GALNT13: variants seen among roughly 807,000 people sequenced by gnomAD.
GALNT13 encodes the protein polypeptide N-acetylgalactosaminyltransferase 13.
A neutral mutation model predicts 64.2 loss-of-function variants in GALNT13; 28 were observed. That is an observed-to-expected ratio of 0.44 (90% CI 0.32 to 0.60). The LOEUF is 0.60. Ranked by LOEUF, GALNT13 falls within the 20% of genes least tolerant of loss-of-function variation. The pLI, the probability that GALNT13 is intolerant of heterozygous loss-of-function variation, is 0.05. For synonymous variants in GALNT13, 214 were observed against 224.6 expected, an observed-to-expected ratio of 0.95 and a Z score of 0.42; for missense variants, 577 against 669.8, an observed-to-expected ratio of 0.86 and a Z score of 1.53.
chr2:153,346,311 C>T, the GALNT13 span, among the ~76,000 whole-genome samples: 1 of 152,150 alleles, frequency 6.6e-6, no homozygotes, highest in Non-Finnish European at 1.5e-5. Context: ...TCCTCTCCTC[C>T]ACTGTTCATT....
chr2:153,665,648 G>A, the GALNT13 span, among the ~76,000 whole-genome samples: 6 of 152,154 alleles, frequency 3.9e-5, no homozygotes, highest in Non-Finnish European at 5.9e-5. Context: ...CCAGACTCTG[G>A]TCTGAAGTAG....
the GALNT13 span, among the ~76,000 whole-genome samples, chr2:153,443,011 G>C: frequency 6.6e-6 from 1 of 152,110 alleles, no homozygotes; most frequent in Admixed American, 6.5e-5. Flanking sequence ...CACTGAGTTA[G>C]ACCACTTGGC....
intron 9 of GALNT13, among the ~76,000 whole-genome samples, chr2:154,318,057 A>G (rs1265150819): frequency 6.6e-6 from 1 of 152,174 alleles, no homozygotes; most frequent in Non-Finnish European, 1.5e-5. Context: ...ATACTACCCA[A>G]AAAGAGGTAA....
intron 3 of GALNT13, among the ~76,000 whole-genome samples, chr2:154,049,840 T>G (rs1195165641): frequency 2.0e-5 from 3 of 152,090 alleles, no homozygotes; most frequent in Non-Finnish European, 4.4e-5. Flanking sequence ...GAATGCCATG[T>G]CTTACAGTTT....
At chr2:153,649,069 A>C in the GALNT13 span, among the ~76,000 whole-genome samples, 2 of 152,168 alleles carry the variant, frequency 1.3e-5, no homozygotes, top group Non-Finnish European at 2.9e-5. Context: ...CCTCTGGTAG[A>C]ATTTGGCTGT....
chr2:154,246,741 G>A (rs1440096793), intron 7 of GALNT13, among the ~76,000 whole-genome samples: 2 of 152,032 alleles, frequency 1.3e-5, no homozygotes, highest in Admixed American at 6.6e-5. Flanking sequence ...TGGAACATGA[G>A]AGAAATACCC....
intron 4 of GALNT13, among the ~76,000 whole-genome samples, chr2:154,207,507 A>G (rs937997062): frequency 6.6e-6 from 1 of 152,096 alleles, no homozygotes; most frequent in Non-Finnish European, 1.5e-5. Flanking sequence ...CATTACTTAC[A>G]TTGTAGGAGG....
chr2:154,300,689 T>G (rs1047378611), intron 8 of GALNT13, among the ~76,000 whole-genome samples: 1 of 152,140 alleles, frequency 6.6e-6, no homozygotes, highest in African/African-American at 2.4e-5. Flanking sequence ...CTAGTTTGCA[T>G]AATACTTAGC....
chr2:154,380,486 ATATT>A (rs1381728356), intron 9 of GALNT13, among the ~76,000 whole-genome samples: 15 of 152,188 alleles, frequency 9.9e-5, no homozygotes, highest in African/African-American at 3.1e-4. Flanking sequence ...TTTAATGTAT[ATATT>A]AAGAAATTAA....
At chr2:154,209,764 G>C (rs1394885271) in intron 4 of GALNT13, among the ~76,000 whole-genome samples, 1 of 151,890 alleles carries the variant, frequency 6.6e-6, no homozygotes, top group East Asian at 1.9e-4. Flanking sequence ...GTTTTTGTGA[G>C]GTAAATTGTG....
intron 8 of GALNT13, among the ~76,000 whole-genome samples, chr2:154,262,347 G>A (rs983503437): frequency 4.6e-5 from 7 of 152,082 alleles, no homozygotes; most frequent in South Asian, 2.1e-4. Context: ...AAAGAAAGAC[G>A]CTAACATGCA....
rs764301374 is a variant in GALNT13 at position 153,884,803 on chromosome 2, A to ATGTGTG, written c.-177+12501_-177+12502insGTGTGT. ...TATATATATGTGTGTGTATATATATATATGTGTGTGTGTGTGTATATATAT... is the reference window on the plus strand; with the variant it reads ...TATATATATGTGTGTGTATATATATATGTGTGTATGTGTGTGTGTGTGTATATATAT... On this transcript the variant is annotated intron_variant, in intron 1 of 12. Coordinates refer to ENST00000392825, the MANE Select transcript of GALNT13 (RefSeq NM_052917.4). Among the ~76,000 whole-genome samples, 131 of 132,828 alleles carry ATGTGTG rather than the reference A, an allele frequency of 9.9e-4. 1 individual carries two copies. The highest frequency in any genetic ancestry group is 4.0e-3 in the African/African-American group (128 of 32,238). 87.1% of individuals were successfully genotyped at this position (132,828 alleles called of 152,430 possible).
the GALNT13 span, among the ~76,000 whole-genome samples, chr2:153,701,760 C>G: frequency 6.6e-6 from 1 of 152,022 alleles, no homozygotes; most frequent in African/African-American, 2.4e-5. Context: ...TAGAGAAATG[C>G]AAATCAAAAC....
chr2:153,817,012 G>A, the GALNT13 span, among the ~76,000 whole-genome samples: 1 of 152,132 alleles, frequency 6.6e-6, no homozygotes, highest in Admixed American at 6.5e-5. Context: ...TGTAACCAGA[G>A]CCAACCATTT....
At chr2:153,499,932 C>T in the GALNT13 span, among the ~76,000 whole-genome samples, 2 of 152,034 alleles carry the variant, frequency 1.3e-5, no homozygotes. Flanking sequence ...GCAGGGCTCC[C>T]ACAACTCCCA....
intron 3 of GALNT13, among the ~76,000 whole-genome samples, chr2:154,023,653 G>C (rs1449421362): frequency 6.6e-6 from 1 of 152,112 alleles, no homozygotes; most frequent in Non-Finnish European, 1.5e-5. Flanking sequence ...TATCCAGTTT[G>C]CCAGTCTGTG....
chr2:154,364,137 A>C (rs1368132265), intron 9 of GALNT13, among the ~76,000 whole-genome samples: 1 of 152,200 alleles, frequency 6.6e-6, no homozygotes, highest in Non-Finnish European at 1.5e-5. Flanking sequence ...TGAAATCATA[A>C]TTTCTATTTA....
At chr2:153,444,578 GA>G in the GALNT13 span, among the ~76,000 whole-genome samples, 1 of 152,132 alleles carries the variant, frequency 6.6e-6, no homozygotes, top group Non-Finnish European at 1.5e-5. Flanking sequence ...TCAAATCAGA[GA>G]AAAATGCCCT....
chr2:154,395,329 A>T (rs1699006571), intron 9 of GALNT13, among the ~76,000 whole-genome samples: 1 of 152,116 alleles, frequency 6.6e-6, no homozygotes, highest in South Asian at 2.1e-4. Flanking sequence ...TTAAATATCA[A>T]ATATTCTATT....
Sources: allele counts gnomAD v4.1 joint callset (sites outside exome capture counted in the v4.1 genomes callset), GRCh38; gene constraint gnomAD v4.1.1; transcripts MANE v1.5; gene names NCBI Gene and HGNC (gene_info 2026-07-23, HGNC 2026-07-21).